AKT3: variants seen among roughly 807,000 people sequenced by gnomAD.
AKT3 encodes AKT serine/threonine kinase 3, also known as RAC-gamma serine/threonine-protein kinase.
Under a neutral mutation model 65.3 loss-of-function variants are expected in AKT3, and 15 were observed. The observed-to-expected ratio is 0.23, with a 90% CI of 0.15 to 0.35. The LOEUF is 0.35. Ranked by LOEUF, AKT3 falls within the 10% of genes least tolerant of loss-of-function variation. The pLI, the probability that AKT3 is intolerant of heterozygous loss-of-function variation, is 1.00. For synonymous variants in AKT3, 206 were observed against 183.8 expected, an observed-to-expected ratio of 1.12 and a Z score of -0.98; for missense variants, 243 against 576.5, an observed-to-expected ratio of 0.42 and a Z score of 5.92.
intron 2 of AKT3, among the ~76,000 whole-genome samples, chr1:243,774,865 AATT>A (rs923787905): frequency 2.6e-5 from 4 of 151,990 alleles, no homozygotes; most frequent in African/African-American, 7.3e-5. Context: ...ATTGTATTCC[AATT>A]ATTATTATTA....
intron 3 of AKT3, among the ~76,000 whole-genome samples, chr1:243,686,405 C>G (rs370924336): frequency 2.5e-4 from 38 of 151,748 alleles, no homozygotes; most frequent in South Asian, 1.2e-3. Context: ...TTTCCTCCAA[C>G]CAAACAATAG....
chr1:243,724,027 T>C (rs1208284331), intron 2 of AKT3, among the ~76,000 whole-genome samples: 1 of 152,242 alleles, frequency 6.6e-6, no homozygotes. Flanking sequence ...ATGAAATTTA[T>C]ATCCTTATTT....
chr1:243,676,944 G>A (rs558375623), intron 3 of AKT3, among the ~76,000 whole-genome samples: 1 of 152,236 alleles, frequency 6.6e-6, no homozygotes, highest in East Asian at 1.9e-4. Flanking sequence ...TTCTTAAACT[G>A]TATGTCATTC....
chr1:243,682,857 C>T (rs1345307522), intron 3 of AKT3, among the ~76,000 whole-genome samples: 1 of 152,096 alleles, frequency 6.6e-6, no homozygotes, highest in Non-Finnish European at 1.5e-5. Context: ...TCTCAATGTC[C>T]AAAGAAGCTT....
At chr1:243,731,133 T>C (rs1687536611) in intron 2 of AKT3, among the ~76,000 whole-genome samples, 1 of 152,190 alleles carries the variant, frequency 6.6e-6, no homozygotes. Flanking sequence ...AAGGATCCCG[T>C]GACATTTCGA....
In AKT3 at chr1:243,799,830, G is replaced by A. The variant is rs531337492; in HGVS notation, c.46+43295C>T. ...CATAAACAAGCTGCTTTCAATAAAT[G>A]CTCTTTTACTATATTTCAAAGGAAA... On this transcript the variant is annotated intron_variant, in intron 2 of 13. Coordinates refer to ENST00000673466, the MANE Select transcript of AKT3 (RefSeq NM_005465.7). Among the ~76,000 whole-genome samples, 3 of 152,210 alleles carry A rather than the reference G, an allele frequency of 2.0e-5. No homozygotes were observed. In the South Asian group the frequency reaches 6.2e-4, roughly 32 times the overall value.
At chr1:243,577,907 T>A (rs1416843641) in intron 8 of AKT3, among the ~76,000 whole-genome samples, 1 of 152,100 alleles carries the variant, frequency 6.6e-6, no homozygotes, top group African/African-American at 2.4e-5. Context: ...AAGAAGACAT[T>A]TATGTGACCA....
intron 4 of AKT3, among the ~76,000 whole-genome samples, chr1:243,647,433 G>T (rs573846371): frequency 2.0e-5 from 3 of 152,232 alleles, no homozygotes; most frequent in African/African-American, 7.2e-5. Flanking sequence ...ATACCATCTA[G>T]GTTTGTCCAA....
At position 243,500,361 on chromosome 1, in the gene AKT3, A is replaced by C. The variant is rs1200816999; in HGVS notation, c.*4888T>G. On this transcript the variant is annotated 3_prime_UTR_variant, in exon 14 of 14. Transcript: ENST00000673466. Reference sequence around the variant, plus strand: ...ATGCATTACTCTTTCCATTCTGTTAAACAACGAAAACAGACAAAAAAGCAT... The same window carrying C: ...ATGCATTACTCTTTCCATTCTGTTACACAACGAAAACAGACAAAAAAGCAT... 2 of 225,004 alleles carry C rather than the reference A, an allele frequency of 8.9e-6. No individual in the cohort carries two copies. The highest frequency in any genetic ancestry group is 2.2e-5 in the African/African-American group (1 of 44,782). The allele number at this position is 225,004 out of a possible 1,614,324, so 13.9% of individuals were successfully genotyped here. A position where few individuals can be genotyped will look rare whatever the true frequency, so the allele number is the denominator to read the frequency against.
At chr1:243,718,246 C>T (rs1401628079) in intron 2 of AKT3, among the ~76,000 whole-genome samples, 10 of 152,150 alleles carry the variant, frequency 6.6e-5, no homozygotes, top group Admixed American at 6.5e-4. Flanking sequence ...ATAACCATTT[C>T]CAACATACAC....
chr1:243,849,382 A>C (rs1160860438), intron 1 of AKT3, among the ~76,000 whole-genome samples: 20 of 108,312 alleles, frequency 1.8e-4, no homozygotes, highest in East Asian at 2.8e-4. Flanking sequence ...CCTCCCACAC[A>C]CACACCCCCC....
At chr1:243,847,145 CA>C (rs1175275395) in intron 1 of AKT3, among the ~76,000 whole-genome samples, 2 of 152,094 alleles carry the variant, frequency 1.3e-5, no homozygotes, top group Admixed American at 1.3e-4. Flanking sequence ...AATCTTCTAA[CA>C]AAAATTAATT....
chr1:243,554,621 CA>C (rs1203748134), intron 10 of AKT3, among the ~76,000 whole-genome samples: 2 of 152,078 alleles, frequency 1.3e-5, no homozygotes, highest in Admixed American at 1.3e-4. Context: ...CGCTCATGGC[CA>C]ATTAGTACAA....
intron 2 of AKT3, among the ~76,000 whole-genome samples, chr1:243,752,468 GGTTT>G (rs1158613866): frequency 5.9e-5 from 9 of 151,852 alleles, no homozygotes; most frequent in Non-Finnish European, 1.2e-4. Flanking sequence ...CATAATAATA[GGTTT>G]GTTAAATTAA....
intron 2 of AKT3, chr1:243,735,023 G>A (rs1056876801): frequency 6.6e-6 from 1 of 152,032 alleles, no homozygotes; most frequent in Non-Finnish European, 1.5e-5. Context: ...GGCTTTTGGG[G>A]GCAATAATGT....
Position 243,637,652 on chromosome 1 carries a change from A to G in AKT3, c.520T>C (p.Tyr174His), listed in dbSNP as rs1187260557. ...LVREKASGKY[Y>H]AMKILKKEVI... ...TCTTTCTTCAGAATCTTCATAGCAT[A>G]GTATTTTCCACTTGCCTTCTCTCGA... The change falls in exon 6 of 14, where the codon TAT (tyrosine) becomes CAT (histidine). Residue 174 changes from tyrosine (Y) to histidine (H), a missense_variant. This residue lies in a region of AKT3 where 61 missense variants were observed against 163.3 expected (regional missense o/e 0.37). Transcript: ENST00000673466. 6.2e-7 allele frequency: 1 copy of G among 1,607,730 alleles called. No homozygotes were observed. Among genetic ancestry groups the G allele is most frequent in the African/African-American group, 1.3e-5 (1 of 74,728 alleles).
rs1407107709 is a variant in AKT3, at chr1:243,493,232, G to C, written c.*7-4782C>G. 2.2e-3 allele frequency among the ~76,000 whole-genome samples: 308 copies of C among 140,704 alleles called. 2 individuals are homozygous for C. Among genetic ancestry groups the C allele is most frequent in the African/African-American group, 7.4e-3 (292 of 39,334 alleles). The allele number at this position is 140,704 out of a possible 152,430, so 92.3% of individuals were successfully genotyped here. Reference sequence around the variant, plus strand: ...GCTGAAACCTTGGTGGTGGGGGTGGGGGGAGGGGGATTCGGGGTGAGGGTG... The same window carrying C: ...GCTGAAACCTTGGTGGTGGGGGTGGCGGGAGGGGGATTCGGGGTGAGGGTG... On this transcript the variant is annotated intron_variant, in intron 13 of 13. Transcript: ENST00000336199.
chr1:243,804,739 C>A (rs186285465), intron 2 of AKT3, among the ~76,000 whole-genome samples: 11 of 151,708 alleles, frequency 7.3e-5, no homozygotes, highest in African/African-American at 2.7e-4. Context: ...CCCAGCTACT[C>A]AGGAGGCTGA....
At chr1:243,659,549 T>A (rs1682112844) in intron 4 of AKT3, among the ~76,000 whole-genome samples, 1 of 152,122 alleles carries the variant, frequency 6.6e-6, no homozygotes, top group Non-Finnish European at 1.5e-5. Context: ...GTGGTGTTAA[T>A]GCTAGAGTAC....
Sources: allele counts gnomAD v4.1 joint callset (sites outside exome capture counted in the v4.1 genomes callset), GRCh38; gene constraint gnomAD v4.1.1; regional missense constraint gnomAD v4.1.1; transcripts MANE v1.5; gene names NCBI Gene and HGNC (gene_info 2026-07-23, HGNC 2026-07-21).